The following SYN2 variants were observed in gnomAD, a reference collection of about 807,000 sequenced individuals.
The protein encoded by SYN2 is synapsin-2.
A neutral mutation model predicts 50.9 loss-of-function variants in SYN2; 19 were observed. The observed-to-expected ratio is 0.37, with a 90% CI of 0.26 to 0.55. SYN2 has a LOEUF of 0.55. Ranked by LOEUF, SYN2 falls within the 20% of genes least tolerant of loss-of-function variation. The pLI, the probability that SYN2 is intolerant of heterozygous loss-of-function variation, is 0.81. For synonymous variants in SYN2, 255 were observed against 224.9 expected, an observed-to-expected ratio of 1.13 and a Z score of -1.20; for missense variants, 587 against 576.4, an observed-to-expected ratio of 1.02 and a Z score of -0.19.
intron 1 of SYN2, among the ~76,000 whole-genome samples, chr3:12,091,257 G>C (rs1294804974): frequency 6.6e-6 from 1 of 152,158 alleles, no homozygotes; most frequent in Non-Finnish European, 1.5e-5. Flanking sequence ...TATTCTGTGA[G>C]GATATGTATT....
intron 1 of SYN2, among the ~76,000 whole-genome samples, chr3:12,128,967 C>T (rs1056405931): frequency 1.3e-5 from 2 of 151,814 alleles, no homozygotes; most frequent in Non-Finnish European, 2.9e-5. Flanking sequence ...ACCACAAGGT[C>T]GCTATTCTCA....
In SYN2 at chr3:12,140,682, G is replaced by A; in HGVS notation, c.409G>A (p.Gly137Arg). Residue 137 changes from glycine (G) to arginine (R), a missense_variant, in exon 2 of 13, where the codon GGA becomes AGA. Coordinates refer to ENST00000621198, the MANE Select transcript of SYN2 (RefSeq NM_133625.6). ...GTGCTTTCGGGGCAAAAAAGTCCTT[G>A]GAGATTATGATATCAAGGTGGAACA... Reference protein sequence around the residue: ...AKCFRGKKVLGDYDIKVEQAE... With the variant: ...AKCFRGKKVLRDYDIKVEQAE... 1.3e-6 allele frequency: 1 copy of A among 764,662 alleles called. No homozygotes were observed. The highest frequency in any genetic ancestry group is 2.4e-6 in the Non-Finnish European group (1 of 409,744). 47.4% of individuals were successfully genotyped at this position (764,662 alleles called of 1,614,324 possible). A position where few individuals can be genotyped will look rare whatever the true frequency, so the allele number is the denominator to read the frequency against.
intron 1 of SYN2, among the ~76,000 whole-genome samples, chr3:12,010,113 A>T (rs1377083333): frequency 1.3e-5 from 2 of 152,156 alleles, no homozygotes; most frequent in Non-Finnish European, 2.9e-5. Flanking sequence ...TAAATAAAAT[A>T]AAATGGTTGA....
intron 4 of SYN2, among the ~76,000 whole-genome samples, chr3:12,148,217 C>T (rs557751138): frequency 2.6e-5 from 4 of 152,326 alleles, no homozygotes; most frequent in African/African-American, 9.6e-5. Flanking sequence ...TTGCTCCTCC[C>T]GGGATCTGGG....
chr3:12,046,261 T>C (rs557787723), intron 1 of SYN2, among the ~76,000 whole-genome samples: 7 of 152,222 alleles, frequency 4.6e-5, no homozygotes, highest in African/African-American at 1.7e-4. Context: ...TTGGTGAGTA[T>C]ATTACATTTA....
chr3:12,131,064 G>T (rs1355482395), intron 1 of SYN2, among the ~76,000 whole-genome samples: 1 of 152,190 alleles, frequency 6.6e-6, no homozygotes, highest in Non-Finnish European at 1.5e-5. Flanking sequence ...GCTTATGCAG[G>T]TTGTTCACTG....
At chr3:12,161,984 C>T (rs1449865507) in intron 6 of SYN2, 28 bp from the exon 7 acceptor site, 1 of 1,612,982 alleles carries the variant, frequency 6.2e-7, no homozygotes, top group Admixed American at 1.7e-5. Context: ...GTCTCCCTTT[C>T]CCCCTTTCTG....
At chr3:12,049,330 T>C (rs1694806512) in intron 1 of SYN2, among the ~76,000 whole-genome samples, 1 of 151,654 alleles carries the variant, frequency 6.6e-6, no homozygotes, top group African/African-American at 2.4e-5. Flanking sequence ...ACCAGCCTGG[T>C]CAACATGGTG....
At chr3:12,161,350 C>G (rs1486195076) in intron 5 of SYN2, among the ~76,000 whole-genome samples, 196 bp from the exon 6 acceptor site, 1 of 152,170 alleles carries the variant, frequency 6.6e-6, no homozygotes, top group Non-Finnish European at 1.5e-5. Flanking sequence ...TCTTGTAGCA[C>G]TGCCACTAAT....
chr3:12,028,760 TA>T (rs1180038844), intron 1 of SYN2, among the ~76,000 whole-genome samples: 1 of 149,744 alleles, frequency 6.7e-6, no homozygotes, highest in Non-Finnish European at 1.5e-5. Context: ...GAGTTCTTTG[TA>T]GATTCTGGAT....
At chr3:12,041,129 C>G (rs991071204) in intron 1 of SYN2, among the ~76,000 whole-genome samples, 1 of 152,166 alleles carries the variant, frequency 6.6e-6, no homozygotes, top group Admixed American at 6.5e-5. Flanking sequence ...TCAGACCTGC[C>G]TCCCTGCAGC....
chr3:12,047,790 G>A (rs1440264809), intron 1 of SYN2, among the ~76,000 whole-genome samples: 1 of 152,174 alleles, frequency 6.6e-6, no homozygotes, highest in Non-Finnish European at 1.5e-5. Flanking sequence ...AAAACAGGAA[G>A]CAGTGTTCTG....
intron 1 of SYN2, among the ~76,000 whole-genome samples, chr3:12,138,795 G>A (rs1191841657): frequency 6.6e-6 from 1 of 152,208 alleles, no homozygotes; most frequent in Non-Finnish European, 1.5e-5. Flanking sequence ...CATCAGAAAA[G>A]CATTGCTGAT....
chr3:12,153,602 G>GAAA, intron 5 of SYN2: 1 of 1,614,068 alleles, frequency 6.2e-7, no homozygotes, highest in Non-Finnish European at 8.5e-7. Flanking sequence ...GCTTCATACA[G>GAAA]ACATAATGCT....
At chr3:12,117,954 A>T (rs1440683114) in intron 1 of SYN2, among the ~76,000 whole-genome samples, 1 of 152,180 alleles carries the variant, frequency 6.6e-6, no homozygotes, top group East Asian at 1.9e-4. Flanking sequence ...AGTTACAGAG[A>T]TGCATGTGAT....
At chr3:12,167,359 C>G (rs1257563668) in intron 8 of SYN2, 51 bp downstream of exon 8, 10 of 1,548,974 alleles carry the variant, frequency 6.5e-6, no homozygotes, top group African/African-American at 2.7e-5. Flanking sequence ...GGGAGGCTTC[C>G]TTAGATGAAG....
intron 1 of SYN2, among the ~76,000 whole-genome samples, chr3:12,024,149 CTTTTTTTTTTTTTT>C (rs35513783): frequency 1.5e-5 from 1 of 68,338 alleles, no homozygotes; most frequent in East Asian, 4.4e-4. Context: ...TCATTACTTC[CTTTTTTTTTTTTTT>C]TTTTTTTTTT....
chr3:12,107,509 G>A (rs569022008), intron 1 of SYN2, among the ~76,000 whole-genome samples: 1 of 152,312 alleles, frequency 6.6e-6, no homozygotes, highest in African/African-American at 2.4e-5. Flanking sequence ...GCTGCATAAT[G>A]TAATTCTCTG....
At chr3:12,161,513 C>A (rs1400120472) in intron 5 of SYN2, 33 bp from the exon 6 acceptor site, 1 of 1,612,888 alleles carries the variant, frequency 6.2e-7, no homozygotes, top group Non-Finnish European at 8.5e-7. Context: ...TGGGCACACT[C>A]TGACAGTTTA....
Sources: allele counts gnomAD v4.1 joint callset (sites outside exome capture counted in the v4.1 genomes callset), GRCh38; gene constraint gnomAD v4.1.1; transcripts MANE v1.5; gene names NCBI Gene and HGNC (gene_info 2026-07-23, HGNC 2026-07-21).